The following EYS variants were observed in gnomAD, a reference collection of about 807,000 sequenced individuals.
The protein encoded by EYS is protein eyes shut homolog.
EYS carries 250 observed loss-of-function variants against 282.1 expected under a neutral mutation model. The observed-to-expected ratio is 0.89, with a 90% CI of 0.80 to 0.98. EYS has a LOEUF of 0.98. Ranked by LOEUF, EYS falls within the 50% of genes least tolerant of loss-of-function variation. The pLI, the probability that EYS is intolerant of heterozygous loss-of-function variation, is 0.00. For missense variants in EYS, 4,016 were observed against 3,709.0 expected (o/e 1.08, Z -2.15); for synonymous variants, 1,355 against 1,282.9 (o/e 1.06, Z -1.20).
intron 5 of EYS, among the ~76,000 whole-genome samples, chr6:65,456,020 G>A (rs775756629): frequency 2.1e-5 from 2 of 95,534 alleles, no homozygotes; most frequent in African/African-American, 5.6e-5. Flanking sequence ...AAAGAAGGAA[G>A]GAAGGAAGGG....
chr6:63,755,603 G>A (rs1473277726), intron 41 of EYS, among the ~76,000 whole-genome samples: 1 of 152,126 alleles, frequency 6.6e-6, no homozygotes, highest in Non-Finnish European at 1.5e-5. Flanking sequence ...GGATTGTCCT[G>A]GCTATACGAG....
At chr6:65,298,950 T>G (rs1435096375) in intron 11 of EYS, among the ~76,000 whole-genome samples, 1 of 152,108 alleles carries the variant, frequency 6.6e-6, no homozygotes. Flanking sequence ...TGTGTTAATA[T>G]TTATACAGAA....
At chr6:65,527,475 AC>A (rs1476484986) in intron 2 of EYS, among the ~76,000 whole-genome samples, 1 of 152,166 alleles carries the variant, frequency 6.6e-6, no homozygotes, top group Non-Finnish European at 1.5e-5. Context: ...AATTGATCAC[AC>A]CTTTCAACAG....
At chr6:65,355,746 A>T (rs1283276293) in intron 8 of EYS, among the ~76,000 whole-genome samples, 1 of 152,116 alleles carries the variant, frequency 6.6e-6, no homozygotes, top group Non-Finnish European at 1.5e-5. Flanking sequence ...ATCACCAATC[A>T]TCAGAGACAT....
chr6:65,434,441 C>T (rs1205254371), intron 5 of EYS, among the ~76,000 whole-genome samples: 1 of 151,936 alleles, frequency 6.6e-6, no homozygotes, highest in East Asian at 1.9e-4. Flanking sequence ...CTGCCTCAGC[C>T]TCCCGAGTAG....
chr6:65,548,094 G>A (rs1476564845), intron 2 of EYS, among the ~76,000 whole-genome samples: 1 of 152,098 alleles, frequency 6.6e-6, no homozygotes, highest in Admixed American at 6.6e-5. Flanking sequence ...TTGGTATATA[G>A]TTTATTCTTA....
At chr6:65,526,543 C>T (rs1280250352) in intron 2 of EYS, among the ~76,000 whole-genome samples, 2 of 152,182 alleles carry the variant, frequency 1.3e-5, no homozygotes, top group African/African-American at 2.4e-5. Flanking sequence ...GCTTGGCTCA[C>T]GCCTGTAATC....
intron 30 of EYS, among the ~76,000 whole-genome samples, chr6:64,266,732 C>G (rs539436348): frequency 6.6e-6 from 1 of 152,110 alleles, no homozygotes; most frequent in Non-Finnish European, 1.5e-5. Flanking sequence ...TGTATGGCCA[C>G]GTGTCTCTGA....
chr6:64,486,081 G>C (rs1776573701), intron 26 of EYS, among the ~76,000 whole-genome samples: 1 of 151,336 alleles, frequency 6.6e-6, no homozygotes, highest in African/African-American at 2.4e-5. Flanking sequence ...ATTAAACCTA[G>C]TTACAGAGAA....
rs565894130 is a variant in EYS, at chr6:64,562,271, G to A, written c.5644+27952C>T. On this transcript the variant is annotated intron_variant, in intron 26 of 42. Transcript: ENST00000503581. The stretch of plus-strand genomic sequence containing the variant: ...CTGGAATTTCTAAAATATATTATTA[G>A]TCAAATCTGATGTTTCCTAGAAGTC... Among the ~76,000 whole-genome samples, 596 of 151,018 alleles carry A rather than the reference G, an allele frequency of 3.9e-3. 6 individuals are homozygous for A. Among genetic ancestry groups the A allele is most frequent in the Non-Finnish European group, 7.2e-3 (485 of 67,668 alleles).
intron 26 of EYS, among the ~76,000 whole-genome samples, chr6:64,529,759 T>C (rs1232908300): frequency 6.6e-6 from 1 of 152,060 alleles, no homozygotes; most frequent in Non-Finnish European, 1.5e-5. Context: ...AGCTCAGCTG[T>C]CAAGTAGCTT....
At chr6:65,082,859 A>G (rs1774264076) in intron 12 of EYS, among the ~76,000 whole-genome samples, 1 of 152,042 alleles carries the variant, frequency 6.6e-6, no homozygotes, top group Admixed American at 6.6e-5. Flanking sequence ...CTAATTACAG[A>G]AACATTTATT....
chr6:64,117,336 C>CA (rs1363513568), intron 31 of EYS, among the ~76,000 whole-genome samples: 1 of 150,116 alleles, frequency 6.7e-6, no homozygotes, highest in Non-Finnish European at 1.5e-5. Context: ...CAACCCCCCC[C>CA]CCAATTAGTA....
At chr6:65,627,602 C>T (rs954928001) in intron 2 of EYS, among the ~76,000 whole-genome samples, 4 of 152,136 alleles carry the variant, frequency 2.6e-5, no homozygotes, top group African/African-American at 4.8e-5. Context: ...GCTGGAGTTC[C>T]GGGTGGGCGT....
intron 8 of EYS, among the ~76,000 whole-genome samples, chr6:65,374,828 C>T (rs1184788499): frequency 6.6e-6 from 1 of 152,100 alleles, no homozygotes; most frequent in African/African-American, 2.4e-5. Flanking sequence ...GACTGCCTTG[C>T]TAGATTCCTC....
rs1329241162 is a variant in EYS at position 64,921,771 on chromosome 6, CA to C, written c.2382-9029del. Among the ~76,000 whole-genome samples the C allele has an allele frequency of 3.9e-5, 6 of 152,252 alleles. No homozygotes were observed. In the South Asian group the frequency reaches 1.2e-3, roughly 32 times the overall value. On this transcript the variant is annotated intron_variant, in intron 15 of 42. Transcript: ENST00000503581. ...AAATTAGAAACAGAAAATAAAACTT[CA>C]TCCTCAATAAAACAGTTATCAATAA...
intron 35 of EYS, among the ~76,000 whole-genome samples, chr6:63,926,916 A>G: frequency 6.6e-6 from 1 of 152,248 alleles, no homozygotes; most frequent in East Asian, 1.9e-4. Context: ...CTAAGCAGAT[A>G]TAAGATTTCA....
chr6:64,105,073 C>T (rs929617602), intron 31 of EYS, among the ~76,000 whole-genome samples: 2 of 150,822 alleles, frequency 1.3e-5, no homozygotes, highest in Non-Finnish European at 3.0e-5. Context: ...TGAAAGAGAG[C>T]AGAAGAGGAT....
At chr6:64,714,516 CTTT>C (rs55730437) in intron 22 of EYS, among the ~76,000 whole-genome samples, 96,701 of 128,070 alleles carry the variant, frequency 0.76, 36,380 homozygotes, top group Non-Finnish European at 0.81. Context: ...TTCTTTCTTT[CTTT>C]TTTTTTTTTT....
Sources: gnomAD v4.1 joint callset for allele counts (sites outside exome capture counted in the v4.1 genomes callset) on GRCh38, gnomAD v4.1.1 for gene constraint, MANE v1.5 for transcripts, NCBI Gene and HGNC (gene_info 2026-07-23, HGNC 2026-07-21) for gene names.